ARSF: variants seen among roughly 807,000 people sequenced by gnomAD.
ARSF encodes the protein arylsulfatase F.
In ARSF, 33 loss-of-function variants were observed where a neutral mutation model predicts 35.4. The ratio of observed to expected loss-of-function variants is 0.93; its 90% confidence interval spans 0.71 to 1.25. ARSF has a LOEUF of 1.25. Ranked by LOEUF, ARSF falls within the 50% of genes most tolerant of loss-of-function variation. The pLI, the probability that ARSF is intolerant of heterozygous loss-of-function variation, is 0.00. For missense variants in ARSF, 501 were observed against 480.2 expected (o/e 1.04, Z -0.40); for synonymous variants, 222 against 193.1 (o/e 1.15, Z -1.24).
intron 9 of ARSF, among the ~76,000 whole-genome samples, chrX:3,109,353 A>T (rs951375315): frequency 9.0e-6 from 1 of 111,509 alleles, no homozygotes; most frequent in African/African-American, 3.3e-5. Flanking sequence ...CTTATCTGGG[A>T]TGTATTATTA....
rs191058323 is a variant in ARSF at position 3,105,780 on chromosome X, A to T, written c.1265+1856A>T. 8.4e-3 allele frequency among the ~76,000 whole-genome samples: 944 copies of T among 112,239 alleles called. 11 individuals are homozygous for T. Among genetic ancestry groups the T allele is most frequent in the African/African-American group, 0.029 (892 of 30,916 alleles). On this transcript the variant is annotated intron_variant, in intron 9 of 10. Transcript: ENST00000381127. ...CATGACCAGCCCAGAAAAAATATTT[A>T]AAAAACCACTGTGAAGTTATTGCAA...
chrX:3,112,254 T>C lies in ARSF; in HGVS notation c.1471T>C (p.Cys491Arg). Residue 491 changes from cysteine to arginine, a missense_variant, in exon 11 of 11, where the codon TGC becomes CGC. Physicochemically the swap from Cys to Arg is radical, Grantham distance 180. Coordinates refer to ENST00000381127, the MANE Select transcript of ARSF (RefSeq NM_001201539.2). Reference sequence around the variant, plus strand: ...TGGTGGCTGCTATGTCACCTCATTATGCAGATGTTTCGGAGAACAGGTTAC... The same window carrying C: ...TGGTGGCTGCTATGTCACCTCATTACGCAGATGTTTCGGAGAACAGGTTAC... ...ASGGCYVTSL[C>R]RCFGEQVTYH... 8.3e-7 allele frequency: 1 copy of C among 1,211,063 alleles called. No individual in the cohort carries two copies.
At chrX:3,094,453 C>T (rs1358813816) in intron 7 of ARSF, among the ~76,000 whole-genome samples, 5 of 112,245 alleles carry the variant, frequency 4.5e-5, no homozygotes, top group African/African-American at 1.3e-4. Flanking sequence ...TCGAGCCCAG[C>T]GAGAGGCTTT....
intron 1 of ARSF, among the ~76,000 whole-genome samples, chrX:3,048,562 C>G (rs1170196739): frequency 8.9e-6 from 1 of 112,273 alleles, no homozygotes; most frequent in African/African-American, 3.2e-5. Context: ...AATCTGAAAG[C>G]TCCCACTTCA....
chrX:3,076,865 C>A (rs1374611573), intron 4 of ARSF, among the ~76,000 whole-genome samples, 196 bp downstream of exon 4: 2 of 111,573 alleles, frequency 1.8e-5, no homozygotes, highest in Non-Finnish European at 3.8e-5. Flanking sequence ...GGCAACAGAG[C>A]AAGACCCCAT....
At chrX:3,073,653 T>TATAAATATATAATTAAATATATAATTA (rs1197935754) in intron 3 of ARSF, among the ~76,000 whole-genome samples, 1 of 97,809 alleles carries the variant, frequency 1.0e-5, no homozygotes, top group East Asian at 2.9e-4. Context: ...TATATATAAT[T>TATAAATATATAATTAAATATATAATTA]ATAAATATAT....
rs140167273 is a variant in ARSF, at chrX:3,058,453, G to C, written c.-28-9620G>C. The C allele has an allele frequency of 5.3e-3, 1,245 of 233,821 alleles. 19 individuals are homozygous for C. The highest frequency in any genetic ancestry group is 0.033 in the African/African-American group (1,135 of 34,608). 19.3% of individuals were successfully genotyped at this position (233,821 alleles called of 1,213,427 possible). A position where few individuals can be genotyped will look rare whatever the true frequency, so the allele number is the denominator to read the frequency against. ...CACCATAGCCCAGAACTTCTGGGCC[G>C]AAGCGATCCCCCACCTCAGTCTCCT... On this transcript the variant is annotated intron_variant, in intron 1 of 10. Transcript: ENST00000381127.
chrX:3,087,217 T>C (rs1407056841), intron 6 of ARSF, among the ~76,000 whole-genome samples: 6 of 112,183 alleles, frequency 5.3e-5, no homozygotes, highest in Admixed American at 4.7e-4. Context: ...GTGGATATCT[T>C]TGGAATGGGG....
In ARSF at chrX:3,092,324, G is replaced by A. The variant is rs1011751777; in HGVS notation, c.967+2692G>A. On this transcript the variant is annotated intron_variant, in intron 7 of 10. Coordinates refer to ENST00000381127, the MANE Select transcript of ARSF (RefSeq NM_001201539.2). The stretch of plus-strand genomic sequence containing the variant: ...TGCACTCAATCTCAAAAATCGTGGC[G>A]ATCCTATTTTTGATTTGATCTTTGA... Among the ~76,000 whole-genome samples the A allele has an allele frequency of 3.0e-4, 34 of 111,503 alleles. 1 individual carries two copies. The highest frequency in any genetic ancestry group is 9.1e-4 in the African/African-American group (28 of 30,695).
chrX:3,103,140 C>T (rs1318139675), intron 8 of ARSF, among the ~76,000 whole-genome samples: 1 of 111,147 alleles, frequency 9.0e-6, no homozygotes, highest in Non-Finnish European at 1.9e-5. Flanking sequence ...CCATAGTATT[C>T]CATTTGTTTT....
chrX:3,101,278 T>TTTG, intron 8 of ARSF, 57 bp downstream of exon 8: 1 of 1,151,896 alleles, frequency 8.7e-7, no homozygotes, highest in Non-Finnish European at 1.2e-6. Context: ...TTTGTGGTTC[T>TTTG]TATAATTAAA....
At chrX:3,044,752 TTTTTTC>T (rs1190017911) in intron 1 of ARSF, among the ~76,000 whole-genome samples, 2 of 109,397 alleles carry the variant, frequency 1.8e-5, no homozygotes, top group African/African-American at 3.3e-5. Context: ...CTTGTGTTGC[TTTTTTC>T]TTTTTCTTTT....
chrX:3,083,631 C>T (rs2090222034), intron 5 of ARSF, among the ~76,000 whole-genome samples: 1 of 111,270 alleles, frequency 9.0e-6, no homozygotes, highest in South Asian at 3.8e-4. Flanking sequence ...TCTATCATCT[C>T]TATTTATCTA....
intron 1 of ARSF, among the ~76,000 whole-genome samples, chrX:3,051,141 A>C (rs2089995747): frequency 9.0e-6 from 1 of 111,474 alleles, no homozygotes; most frequent in Admixed American, 9.6e-5. Flanking sequence ...AACTCTTTCT[A>C]CCGATTTCCA....
At chrX:3,105,527 C>T (rs867587782) in intron 9 of ARSF, among the ~76,000 whole-genome samples, 89 of 111,895 alleles carry the variant, frequency 8.0e-4, no homozygotes, top group African/African-American at 2.6e-3. Flanking sequence ...TGCAGTGGCA[C>T]GATCTCAGCT....
intron 1 of ARSF, among the ~76,000 whole-genome samples, chrX:3,046,343 T>C (rs1041312836): frequency 8.9e-6 from 1 of 112,127 alleles, no homozygotes; most frequent in Non-Finnish European, 1.9e-5. Context: ...CCTGCAGCTC[T>C]ATTTTCCAGG....
In ARSF at chrX:3,101,180, G is replaced by A. The variant is rs1479802619; in HGVS notation, c.1061G>A (p.Arg354Gln). ...CACGGAGGGCATTTGGAAGCTAGGC[G>A]AGGGCATGCCCAACTTGGTGGATGG... Reference protein sequence around the residue: ...SDHGGHLEARRGHAQLGGWNG... With the variant: ...SDHGGHLEARQGHAQLGGWNG... The change falls in exon 8 of 11, where the codon CGA (arginine) becomes CAA (glutamine). Residue 354 changes from arginine to glutamine, a missense_variant. Transcript: ENST00000381127. The A allele has an allele frequency of 5.0e-6, 6 of 1,209,392 alleles. No individual in the cohort carries two copies. Among genetic ancestry groups the A allele is most frequent in the African/African-American group, 1.8e-5 (1 of 57,116 alleles).
rs1345610430 is a variant in ARSF at position 3,112,519 on chromosome X, A to G, written c.1736A>G (p.Glu579Gly). The G allele has an allele frequency of 8.3e-7, 1 of 1,201,364 alleles. No individual in the cohort carries two copies. The highest frequency in any genetic ancestry group is 1.1e-6 in the Non-Finnish European group (1 of 888,764). The change falls in exon 11 of 11, where the codon GAA becomes GGA. Residue 579 changes from glutamate to glycine, a missense_variant. Coordinates refer to ENST00000381127, the MANE Select transcript of ARSF (RefSeq NM_001201539.2). ...FPFCLCDKEE[E>G]VSQPRGPNEK... ...TTTTGTCTGTGTGACAAGGAAGAGG[A>G]AGTCTCTCAGCCTCGGGGTCCTAAC...
At chrX:3,069,052 C>G (rs778229089) in intron 2 of ARSF, among the ~76,000 whole-genome samples, 1 of 111,427 alleles carries the variant, frequency 9.0e-6, no homozygotes, top group Non-Finnish European at 1.9e-5. Flanking sequence ...GGAATTGAAT[C>G]AATAATCCAC....
Sources: gnomAD v4.1 joint callset for allele counts (sites outside exome capture counted in the v4.1 genomes callset) on GRCh38, gnomAD v4.1.1 for gene constraint, MANE v1.5 for transcripts, NCBI Gene and HGNC (gene_info 2026-07-23, HGNC 2026-07-21) for gene names.